Variants in GPC6 observed in about 807,000 individuals in gnomAD.
The protein encoded by GPC6 is glypican 6.
GPC6 carries 14 observed loss-of-function variants against 55.2 expected under a neutral mutation model. The ratio of observed to expected loss-of-function variants is 0.25; its 90% confidence interval spans 0.17 to 0.40. The LOEUF (loss-of-function observed/expected upper bound fraction) is 0.40. Among genes scored for constraint, GPC6 ranks in the 10% least tolerant of loss-of-function variants. The pLI is 1.00. For missense variants in GPC6, 641 were observed against 708.5 expected, an observed-to-expected ratio of 0.90 and a Z score of 1.08; for synonymous variants, 278 against 259.6, an observed-to-expected ratio of 1.07 and a Z score of -0.68.
At chr13:94,133,288 A>AAAAC (rs1555299325) in intron 4 of GPC6, among the ~76,000 whole-genome samples, 3 of 127,464 alleles carry the variant, frequency 2.4e-5, no homozygotes, top group African/African-American at 5.8e-5. Flanking sequence ...AAAAAAAAAA[A>AAAAC]AAAACCTTAA....
At chr13:94,204,571 T>C (rs1889847886) in intron 4 of GPC6, among the ~76,000 whole-genome samples, 2 of 152,204 alleles carry the variant, frequency 1.3e-5, no homozygotes, top group South Asian at 4.1e-4. Flanking sequence ...CCTTCTTTTA[T>C]GGCTCTGTGA....
At chr13:93,888,796 A>G (rs529162389) in intron 3 of GPC6, among the ~76,000 whole-genome samples, 2 of 152,284 alleles carry the variant, frequency 1.3e-5, no homozygotes, top group South Asian at 4.1e-4. Flanking sequence ...ATTCTGCAAA[A>G]GCAGGAAAGA....
intron 3 of GPC6, among the ~76,000 whole-genome samples, chr13:93,850,692 G>T (rs1888360845): frequency 6.6e-6 from 1 of 151,916 alleles, no homozygotes; most frequent in Non-Finnish European, 1.5e-5. Flanking sequence ...AAAGAGAGGA[G>T]AAACTTGATG....
chr13:94,031,085 T>C (rs1023001748), intron 4 of GPC6, among the ~76,000 whole-genome samples: 9 of 150,500 alleles, frequency 6.0e-5, no homozygotes, highest in South Asian at 2.1e-4. Context: ...CGTGTGCGTG[T>C]GTGTGTGCGT....
At chr13:93,246,535 G>A in intron 1 of GPC6, among the ~76,000 whole-genome samples, 1 of 151,818 alleles carries the variant, frequency 6.6e-6, no homozygotes. Context: ...CTTAATAGAT[G>A]AGAATAACTC....
At chr13:94,107,198 G>A (rs1231804778) in intron 4 of GPC6, among the ~76,000 whole-genome samples, 1 of 152,096 alleles carries the variant, frequency 6.6e-6, no homozygotes, top group Non-Finnish European at 1.5e-5. Context: ...ATTGCAGAGG[G>A]CAAATAGCTG....
intron 1 of GPC6, among the ~76,000 whole-genome samples, chr13:93,324,585 T>TAC (rs1238076229): frequency 1.0e-5 from 1 of 97,846 alleles, no homozygotes; most frequent in Admixed American, 1.0e-4. Context: ...CACACATACA[T>TAC]ACATATATAT....
At chr13:94,364,087 C>T (rs917145835) in intron 6 of GPC6, among the ~76,000 whole-genome samples, 2 of 152,172 alleles carry the variant, frequency 1.3e-5, no homozygotes, top group African/African-American at 4.8e-5. Context: ...TCCTTTGTGG[C>T]TTACATGATG....
intron 6 of GPC6, among the ~76,000 whole-genome samples, chr13:94,367,670 G>A (rs1879342925): frequency 6.6e-6 from 1 of 152,106 alleles, no homozygotes; most frequent in South Asian, 2.1e-4. Flanking sequence ...GAAACTCCAA[G>A]CCTAAAACCA....
intron 6 of GPC6, among the ~76,000 whole-genome samples, 163 bp from the exon 7 acceptor site, chr13:94,382,251 C>T (rs7991204): frequency 1.3e-5 from 2 of 152,150 alleles, no homozygotes; most frequent in South Asian, 2.1e-4. Context: ...GAGGCTTTCC[C>T]GGGCAATAAA....
chr13:93,951,265 G>A (rs933234483), intron 3 of GPC6, among the ~76,000 whole-genome samples: 9 of 152,114 alleles, frequency 5.9e-5, no homozygotes, highest in African/African-American at 2.2e-4. Context: ...ACCTTGCCCA[G>A]ATCAGTTTAA....
chr13:93,381,947 C>T (rs1038455880), intron 1 of GPC6, among the ~76,000 whole-genome samples: 3 of 151,844 alleles, frequency 2.0e-5, no homozygotes, highest in Non-Finnish European at 2.9e-5. Flanking sequence ...AGATTTTCTC[C>T]GGAGAAAATA....
At chr13:93,532,904 G>T (rs543965698) in intron 1 of GPC6, among the ~76,000 whole-genome samples, 2 of 152,242 alleles carry the variant, frequency 1.3e-5, no homozygotes, top group African/African-American at 2.4e-5. Context: ...AGAACTACAA[G>T]AATTAGCATT....
At chr13:94,044,396 G>T (rs1402031592) in intron 4 of GPC6, among the ~76,000 whole-genome samples, 2 of 151,762 alleles carry the variant, frequency 1.3e-5, no homozygotes, top group East Asian at 1.9e-4. Flanking sequence ...CATCGCCAAG[G>T]TCTGCTTGCA....
At chr13:93,221,376 A>T in the GPC6 span, among the ~76,000 whole-genome samples, 1 of 152,114 alleles carries the variant, frequency 6.6e-6, no homozygotes, top group African/African-American at 2.4e-5. Context: ...TTTAGGAGAA[A>T]ATCTGATTAA....
chr13:93,484,967 T>G (rs574844583), intron 1 of GPC6, among the ~76,000 whole-genome samples: 35 of 152,300 alleles, frequency 2.3e-4, no homozygotes, highest in African/African-American at 7.9e-4. Flanking sequence ...GCATATGTAA[T>G]AAACACAAAT....
rs1447331624 is a variant in GPC6, at chr13:94,329,030, G to A, written c.1152+22907G>A. On this transcript the variant is annotated intron_variant, in intron 6 of 8. Coordinates refer to ENST00000377047, the MANE Select transcript of GPC6 (RefSeq NM_005708.5). ...TCTGGAGCTCCTGAGGAAGAACCCC[G>A]GGGGGGGCTGAAATGGAGTTGGTGA... Among the ~76,000 whole-genome samples the A allele has an allele frequency of 2.0e-5, 3 of 151,540 alleles. No homozygotes were observed. In the East Asian group the frequency reaches 5.8e-4, roughly 29 times the overall value.
intron 2 of GPC6, among the ~76,000 whole-genome samples, chr13:93,774,954 G>A (rs1885419565): frequency 6.6e-6 from 1 of 152,150 alleles, no homozygotes; most frequent in African/African-American, 2.4e-5. Flanking sequence ...TGCCATCTCA[G>A]TGGAGAAACA....
At chr13:93,377,614 G>T (rs1028308862) in intron 1 of GPC6, among the ~76,000 whole-genome samples, 1 of 152,182 alleles carries the variant, frequency 6.6e-6, no homozygotes, top group African/African-American at 2.4e-5. Context: ...GCAGTTCTAG[G>T]AGGGGGAAAA....
Sources: allele counts gnomAD v4.1 joint callset (sites outside exome capture counted in the v4.1 genomes callset), GRCh38; gene constraint gnomAD v4.1.1; transcripts MANE v1.5; gene names NCBI Gene and HGNC (gene_info 2026-07-23, HGNC 2026-07-21).